Variants in CDH13 observed in about 807,000 individuals in gnomAD.
CDH13 encodes cadherin-13.
Under a neutral mutation model 63.8 loss-of-function variants are expected in CDH13, and 24 were observed. That is an observed-to-expected ratio of 0.38 (90% CI 0.27 to 0.53). The LOEUF is 0.53. CDH13 is among the 20% of genes least tolerant of loss of function. The pLI, the probability that CDH13 is intolerant of heterozygous loss-of-function variation, is 0.85. For missense variants in CDH13, 1,049 were observed against 903.1 expected, an observed-to-expected ratio of 1.16 and a Z score of -2.07; for synonymous variants, 503 against 355.3, an observed-to-expected ratio of 1.42 and a Z score of -4.67.
intron 4 of CDH13, among the ~76,000 whole-genome samples, chr16:83,183,506 T>A (rs2038413269): frequency 1.3e-5 from 2 of 152,176 alleles, no homozygotes; most frequent in Non-Finnish European, 2.9e-5. Flanking sequence ...TTTAGAAAAA[T>A]CCCATAATAT....
At chr16:83,585,884 G>T (rs75782114) in intron 7 of CDH13, among the ~76,000 whole-genome samples, 1 of 152,036 alleles carries the variant, frequency 6.6e-6, no homozygotes, top group Non-Finnish European at 1.5e-5. Context: ...TATGCCCCAG[G>T]GTGTAGCAGT....
At chr16:83,477,708 C>T (rs2220475) in intron 6 of CDH13, among the ~76,000 whole-genome samples, 147,541 of 152,276 alleles carry the variant, frequency 0.97, 71,667 homozygotes, top group East Asian at 1. Context: ...TCAACAACAT[C>T]TAATTCGTGC....
intron 11 of CDH13, among the ~76,000 whole-genome samples, chr16:83,755,462 C>G (rs1361712884): frequency 1.3e-5 from 2 of 152,084 alleles, no homozygotes; most frequent in Non-Finnish European, 2.9e-5. Flanking sequence ...GTTTAGCAAA[C>G]CACAAGCTGG....
intron 1 of CDH13, among the ~76,000 whole-genome samples, chr16:82,712,397 C>A (rs12446636): frequency 0.11 from 16,688 of 152,150 alleles, 994 homozygotes; most frequent in Middle Eastern, 0.17. Context: ...AGCTACCATT[C>A]ATACTGCCTC....
At chr16:83,434,755 C>T (rs936328845) in intron 6 of CDH13, among the ~76,000 whole-genome samples, 5 of 151,288 alleles carry the variant, frequency 3.3e-5, no homozygotes, top group East Asian at 1.9e-4. Flanking sequence ...CCTCTGCTGT[C>T]GCCCTAACCA....
intron 4 of CDH13, among the ~76,000 whole-genome samples, chr16:83,213,048 A>G (rs2039383947): frequency 6.6e-6 from 1 of 152,206 alleles, no homozygotes; most frequent in Non-Finnish European, 1.5e-5. Context: ...AGCAGGAGGC[A>G]GGTTCAGCAG....
intron 1 of CDH13, among the ~76,000 whole-genome samples, chr16:82,758,560 A>G (rs181129021): frequency 6.6e-6 from 1 of 152,086 alleles, no homozygotes; most frequent in Admixed American, 6.5e-5. Context: ...CAGCTTATAG[A>G]TGGGTGCTCT....
At chr16:82,820,004 C>G (rs2037925471) in intron 1 of CDH13, among the ~76,000 whole-genome samples, 1 of 152,100 alleles carries the variant, frequency 6.6e-6, no homozygotes, top group Non-Finnish European at 1.5e-5. Flanking sequence ...ACAGCGGCAG[C>G]AGTAGAGGAG....
At chr16:83,297,522 C>T (rs1307649145) in intron 5 of CDH13, among the ~76,000 whole-genome samples, 3 of 151,992 alleles carry the variant, frequency 2.0e-5, no homozygotes, top group Non-Finnish European at 4.4e-5. Context: ...CTCTCATGCA[C>T]CAGAGCACTC....
chr16:83,155,409 T>C (rs1319678353), intron 4 of CDH13, among the ~76,000 whole-genome samples: 2 of 152,182 alleles, frequency 1.3e-5, no homozygotes, highest in African/African-American at 4.8e-5. Flanking sequence ...TTTGTTTCTC[T>C]GGGGCAGTGA....
At chr16:83,477,882 C>T (rs550626497) in intron 6 of CDH13, among the ~76,000 whole-genome samples, 11 of 152,134 alleles carry the variant, frequency 7.2e-5, no homozygotes, top group Admixed American at 2.6e-4. Flanking sequence ...CCCACCTTTT[C>T]TTAAAAAATC....
intron 1 of CDH13, among the ~76,000 whole-genome samples, chr16:82,637,444 T>TTTTTTTTTTTTTG: frequency 5.1e-5 from 7 of 138,606 alleles, no homozygotes; most frequent in Non-Finnish European, 1.1e-4. Context: ...TTTTTTTTTT[T>TTTTTTTTTTTTTG]TTTTGAGACG....
chr16:83,264,194 T>G (rs1006041115), intron 5 of CDH13, among the ~76,000 whole-genome samples: 1 of 152,244 alleles, frequency 6.6e-6, no homozygotes, highest in Non-Finnish European at 1.5e-5. Context: ...ACATTTTTTT[T>G]CATCCAGTAT....
At chr16:82,799,010 A>C (rs2036722798) in intron 1 of CDH13, among the ~76,000 whole-genome samples, 2 of 152,154 alleles carry the variant, frequency 1.3e-5, no homozygotes, top group African/African-American at 2.4e-5. Flanking sequence ...GCAGTCTATC[A>C]CCAGAGTCCT....
chr16:83,091,602 C>G (rs1314625701), intron 3 of CDH13, among the ~76,000 whole-genome samples: 1 of 152,182 alleles, frequency 6.6e-6, no homozygotes, highest in African/African-American at 2.4e-5. Context: ...TGGTCTTGCA[C>G]AAATTATTTT....
chr16:83,144,114 C>A (rs1252041715), intron 4 of CDH13, among the ~76,000 whole-genome samples: 1 of 152,146 alleles, frequency 6.6e-6, no homozygotes, highest in Non-Finnish European at 1.5e-5. Context: ...ATTGGTCATA[C>A]TTGACCCACA....
intron 2 of CDH13, among the ~76,000 whole-genome samples, chr16:82,871,723 G>T (rs1375619237): frequency 6.6e-6 from 1 of 152,120 alleles, no homozygotes; most frequent in African/African-American, 2.4e-5. Flanking sequence ...ATTTCACAGT[G>T]TGAGTTGGCT....
Position 83,026,491 on chromosome 16 carries a change from G to A in CDH13, c.158-5519G>A, listed in dbSNP as rs1597167172. On this transcript the variant is annotated intron_variant, in intron 2 of 13. Transcript: ENST00000567109. The stretch of plus-strand genomic sequence containing the variant: ...CCCACAGGGGTGAAATAGGTTCGAG[G>A]GTGGGGGGACAAAAATTGCACTTAC... Among the ~76,000 whole-genome samples the A allele has an allele frequency of 1.3e-5, 2 of 150,538 alleles. 1 individual carries two copies. The highest frequency in any genetic ancestry group is 4.2e-4 in the East Asian group (2 of 4,814).
chr16:82,791,973 C>T (rs575854716), intron 1 of CDH13, among the ~76,000 whole-genome samples: 2 of 152,114 alleles, frequency 1.3e-5, no homozygotes, highest in African/African-American at 2.4e-5. Context: ...AAGACCCGCC[C>T]GTATCATGGG....
Sources: gnomAD v4.1 joint callset for allele counts (sites outside exome capture counted in the v4.1 genomes callset) on GRCh38, gnomAD v4.1.1 for gene constraint, MANE v1.5 for transcripts, NCBI Gene and HGNC (gene_info 2026-07-23, HGNC 2026-07-21) for gene names.